MANBA: variants seen among roughly 807,000 people sequenced by gnomAD.
The protein encoded by MANBA is mannosidase beta.
In MANBA, 83 loss-of-function variants were observed where a neutral mutation model predicts 111.1. The observed-to-expected ratio is 0.75, with a 90% confidence interval of 0.63 to 0.90. MANBA has a LOEUF of 0.90. Among genes scored for constraint, MANBA ranks in the 40% least tolerant of loss-of-function variants. The pLI, the probability that MANBA is intolerant of heterozygous loss-of-function variation, is 0.00. For synonymous variants in MANBA, 370 were observed against 378.7 expected (o/e 0.98, Z 0.27); for missense variants, 1,036 against 1,069.0 (o/e 0.97, Z 0.43).
Position 102,632,242 on chromosome 4 carries a change from G to A in MANBA, c.2455C>T (p.Leu819=). 6.2e-7 allele frequency: 1 copy of A among 1,613,478 alleles called. No individual in the cohort carries two copies. Among genetic ancestry groups the A allele is most frequent in the African/African-American group, 1.3e-5 (1 of 74,876 alleles). Reference sequence around the variant, plus strand: ...AAGGGAGCGACAGCTGAGGTCTCCAGGTCAAAAACAAATATGTCACCTTGC... The same window carrying A: ...AAGGGAGCGACAGCTGAGGTCTCCAAGTCAAAAACAAATATGTCACCTTGC... ...SQQGDIFVFD[L]ETSAVAPFVW... is the part of the protein sequence containing the mutation. The change falls in exon 17 of 17, where the codon CTG becomes TTG. Residue 819 remains leucine (L), a synonymous_variant. Transcript: ENST00000647097.
chr4:102,718,464 T>A (rs568163976), intron 4 of MANBA, among the ~76,000 whole-genome samples: 1 of 152,162 alleles, frequency 6.6e-6, no homozygotes, highest in Non-Finnish European at 1.5e-5. Context: ...AAAGGCCCTA[T>A]AATATAACTT....
At chr4:102,677,168 G>C (rs935805236) in intron 7 of MANBA, among the ~76,000 whole-genome samples, 6 of 152,158 alleles carry the variant, frequency 3.9e-5, no homozygotes, top group African/African-American at 1.4e-4. Flanking sequence ...AGGACTGACA[G>C]ACAAACGATG....
intron 10 of MANBA, chr4:102,665,066 C>T (rs1218044457): frequency 1.8e-6 from 1 of 549,758 alleles, no homozygotes; most frequent in South Asian, 2.1e-5. Flanking sequence ...AACACTGATA[C>T]ATAGGGTTTC....
At chr4:102,698,971 G>C (rs913633366) in intron 5 of MANBA, among the ~76,000 whole-genome samples, 7 of 152,104 alleles carry the variant, frequency 4.6e-5, no homozygotes, top group Admixed American at 2.6e-4. Context: ...TCACAATATT[G>C]ATTCTTCCTA....
chr4:102,681,250 G>T (rs947746883), intron 7 of MANBA, among the ~76,000 whole-genome samples: 4 of 152,170 alleles, frequency 2.6e-5, no homozygotes, highest in Non-Finnish European at 4.4e-5. Flanking sequence ...GGAGGATAAG[G>T]TAGGAGGATC....
At chr4:102,654,650 A>G (rs1730484323) in intron 12 of MANBA, among the ~76,000 whole-genome samples, 1 of 152,228 alleles carries the variant, frequency 6.6e-6, no homozygotes, top group South Asian at 2.1e-4. Flanking sequence ...CTTTCATGAT[A>G]TAAGCACTCA....
chr4:102,756,201 A>G (rs1369252297), intron 1 of MANBA, among the ~76,000 whole-genome samples: 1 of 152,254 alleles, frequency 6.6e-6, no homozygotes, highest in Non-Finnish European at 1.5e-5. Context: ...ACTATTCACA[A>G]TAGCAAAGAC....
intron 5 of MANBA, among the ~76,000 whole-genome samples, chr4:102,702,110 T>G (rs1316205173): frequency 2.0e-5 from 3 of 152,020 alleles, no homozygotes; most frequent in Non-Finnish European, 2.9e-5. Context: ...TTCATTCATT[T>G]CATCTTCCAT....
chr4:102,747,087 G>C (rs2110208998), intron 1 of MANBA, among the ~76,000 whole-genome samples: 1 of 151,784 alleles, frequency 6.6e-6, no homozygotes, highest in East Asian at 1.9e-4. Flanking sequence ...TTAATATTCT[G>C]TTCCTCTAGA....
rs1732429457 is a variant in MANBA, at chr4:102,690,602, A to T, written c.843T>A (p.Ile281=). The change falls in exon 6 of 17, where the codon ATT becomes ATA. Residue 281 remains isoleucine, a synonymous_variant. Coordinates refer to ENST00000647097, the MANE Select transcript of MANBA (RefSeq NM_005908.4). ...GKRIVELFVN[I]SKNITVETWW... ...AGGAAGTACCATCATTTACCTTGCT[A>T]ATGTTCACAAATAGCTCAACAATCC... 1 of 1,610,618 alleles carries T rather than the reference A, an allele frequency of 6.2e-7. No individual in the cohort carries two copies. The highest frequency in any genetic ancestry group is 8.5e-7 in the Non-Finnish European group (1 of 1,177,742).
chr4:102,661,511 T>G (rs1249724950), intron 11 of MANBA, among the ~76,000 whole-genome samples: 11 of 152,220 alleles, frequency 7.2e-5, no homozygotes, highest in African/African-American at 2.4e-4. Flanking sequence ...TAGGTGATAC[T>G]AAATGTTTAA....
intron 5 of MANBA, among the ~76,000 whole-genome samples, chr4:102,714,084 A>G (rs1722219097): frequency 6.6e-6 from 1 of 152,138 alleles, no homozygotes; most frequent in East Asian, 1.9e-4. Context: ...GAGCAAAGCA[A>G]GAATTTGACA....
At chr4:102,698,857 T>C (rs1039860444) in intron 5 of MANBA, among the ~76,000 whole-genome samples, 1 of 152,002 alleles carries the variant, frequency 6.6e-6, no homozygotes, top group African/African-American at 2.4e-5. Flanking sequence ...TTTGGTTCCA[T>C]ATGAACTTTA....
intron 5 of MANBA, among the ~76,000 whole-genome samples, chr4:102,701,648 G>T (rs1733052579): frequency 6.6e-6 from 1 of 151,564 alleles, no homozygotes. Context: ...TGAAATTCTG[G>T]GTTGAAAATT....
intron 13 of MANBA, 61 bp downstream of exon 13, chr4:102,650,476 C>A: frequency 4.6e-6 from 7 of 1,513,318 alleles, no homozygotes; most frequent in Middle Eastern, 1.7e-4. Context: ...CCTACAAAAT[C>A]TACATAATCT....
rs1160045824 is a variant in MANBA at position 102,645,155 on chromosome 4, T to C, written c.1870-5298A>G. 2.6e-5 allele frequency among the ~76,000 whole-genome samples: 4 copies of C among 152,086 alleles called. 1 individual carries two copies. Among genetic ancestry groups the C allele is most frequent in the African/African-American group, 9.7e-5 (4 of 41,430 alleles). On this transcript the variant is annotated intron_variant, in intron 13 of 16. Transcript: ENST00000647097. ...TTTCTTTCTTTACTAATATGGTTTA[T>C]TATACTGATTAACTTTCATATATCG...
chr4:102,642,354 T>C (rs950729465), intron 13 of MANBA, among the ~76,000 whole-genome samples: 1 of 152,210 alleles, frequency 6.6e-6, no homozygotes, highest in African/African-American at 2.4e-5. Context: ...ATGCCTGTAA[T>C]CCCAGCACTT....
At chr4:102,634,688 G>A in intron 16 of MANBA, 100 bp downstream of exon 16, 1 of 1,512,682 alleles carries the variant, frequency 6.6e-7, no homozygotes, top group South Asian at 1.1e-5. Context: ...TCAGCACCAA[G>A]GGGGACACAT....
chr4:102,743,612 C>T (rs1723488826), intron 1 of MANBA, among the ~76,000 whole-genome samples: 1 of 152,154 alleles, frequency 6.6e-6, no homozygotes, highest in Non-Finnish European at 1.5e-5. Context: ...TGAGCCACTT[C>T]CTCATGTAAC....
Sources: allele counts gnomAD v4.1 joint callset (sites outside exome capture counted in the v4.1 genomes callset), GRCh38; gene constraint gnomAD v4.1.1; transcripts MANE v1.5; gene names NCBI Gene and HGNC (gene_info 2026-07-23, HGNC 2026-07-21).